DNM3: variants seen among roughly 807,000 people sequenced by gnomAD.
The protein encoded by DNM3 is dynamin 3.
A neutral mutation model predicts 101.6 loss-of-function variants in DNM3; 47 were observed. The ratio of observed to expected loss-of-function variants is 0.46; its 90% CI spans 0.37 to 0.59. The LOEUF is 0.59. Among genes scored for constraint, DNM3 ranks in the 20% least tolerant of loss-of-function variants. The pLI, the probability that DNM3 is intolerant of heterozygous loss-of-function variation, is 0.00. For missense variants in DNM3, 849 were observed against 1,085.7 expected, an observed-to-expected ratio of 0.78 and a Z score of 3.06; for synonymous variants, 385 against 387.9, an observed-to-expected ratio of 0.99 and a Z score of 0.09.
At chr1:172,315,231 A>G (rs2148890565) in intron 16 of DNM3, among the ~76,000 whole-genome samples, 1 of 152,266 alleles carries the variant, frequency 6.6e-6, no homozygotes, top group South Asian at 2.1e-4. Context: ...CACACCAAAA[A>G]CCCATCTGTA....
intron 14 of DNM3, among the ~76,000 whole-genome samples, chr1:172,235,176 A>G (rs923351241): frequency 3.3e-5 from 5 of 152,246 alleles, no homozygotes; most frequent in Non-Finnish European, 5.9e-5. Flanking sequence ...CCCATCAACA[A>G]GTGGGCAAAG....
intron 10 of DNM3, among the ~76,000 whole-genome samples, chr1:172,059,864 G>C (rs1033444384): frequency 7.0e-5 from 7 of 100,436 alleles, no homozygotes; most frequent in Admixed American, 6.9e-4. Context: ...GGCAGGAGAA[G>C]GAAATAAAGG....
rs184755802 is a variant in DNM3 at position 172,119,429 on chromosome 1, C to T, written c.1546-11746C>T. ...TTTACGTTTGACCTTTCAATCCTTT[C>T]GCCTTATTGAGACATTCTCTTTCAT... is the stretch of plus-strand genomic sequence containing the variant. On this transcript the variant is annotated intron_variant, in intron 13 of 20. Coordinates refer to ENST00000627582, the MANE Select transcript of DNM3 (RefSeq NM_015569.5). Among the ~76,000 whole-genome samples, 342 of 152,264 alleles carry T rather than the reference C, an allele frequency of 2.2e-3. 2 individuals are homozygous for T. The highest frequency in any genetic ancestry group is 0.016 in the Admixed American group (244 of 15,280).
Position 171,950,351 on chromosome 1 carries a change from A to C in DNM3, c.235+28530A>C, listed in dbSNP as rs527691402. Among the ~76,000 whole-genome samples, 3 of 152,228 alleles carry C rather than the reference A, an allele frequency of 2.0e-5. No individual in the cohort carries two copies. The East Asian group carries it at 5.8e-4, about 29-fold the overall frequency. ...TTTAAATTTTTATCTTTTCTGGTCT[A>C]GTGATATGTGGTAGGATACTTGGCA... On this transcript the variant is annotated intron_variant, in intron 2 of 20. Transcript: ENST00000627582.
At chr1:172,229,436 T>C (rs926275714) in intron 14 of DNM3, among the ~76,000 whole-genome samples, 1 of 152,182 alleles carries the variant, frequency 6.6e-6, no homozygotes, top group Non-Finnish European at 1.5e-5. Context: ...AAGTGTCTAA[T>C]TAAGTAGCAT....
At chr1:172,110,728 T>G (rs1572552693) in intron 13 of DNM3, among the ~76,000 whole-genome samples, 1 of 152,212 alleles carries the variant, frequency 6.6e-6, no homozygotes, top group South Asian at 2.1e-4. Context: ...TAAATAAATA[T>G]GTCACCACAA....
chr1:172,153,322 G>A (rs1223753214), intron 14 of DNM3, among the ~76,000 whole-genome samples: 6 of 152,140 alleles, frequency 3.9e-5, no homozygotes, highest in African/African-American at 1.4e-4. Flanking sequence ...TAGGGAAAGT[G>A]GTTATGGTGT....
At chr1:172,133,287 C>T in intron 14 of DNM3, 1 of 1,042,160 alleles carries the variant, frequency 9.6e-7, no homozygotes. Flanking sequence ...CATCTCCTCT[C>T]CTCCAGACTC....
intron 15 of DNM3, among the ~76,000 whole-genome samples, chr1:172,254,117 A>T (rs1356196797): frequency 6.6e-6 from 1 of 152,126 alleles, no homozygotes; most frequent in East Asian, 1.9e-4. Flanking sequence ...ATAATGTTTT[A>T]AAAATTGTTT....
intron 11 of DNM3, among the ~76,000 whole-genome samples, chr1:172,081,259 G>A (rs2053124575): frequency 6.6e-6 from 1 of 152,068 alleles, no homozygotes; most frequent in African/African-American, 2.4e-5. Context: ...ACCATGCCCA[G>A]CTTCTGATTG....
chr1:172,284,946 G>A (rs1038117034), intron 15 of DNM3, among the ~76,000 whole-genome samples: 5 of 152,188 alleles, frequency 3.3e-5, no homozygotes, highest in Non-Finnish European at 7.3e-5. Context: ...TGCTAAGTGG[G>A]CTAGACTCAG....
chr1:171,996,751 C>T (rs939023180), intron 4 of DNM3, among the ~76,000 whole-genome samples: 2 of 151,904 alleles, frequency 1.3e-5, no homozygotes, highest in African/African-American at 4.8e-5. Context: ...ATAATTGGCT[C>T]GGCATGGTGG....
chr1:172,237,895 G>C (rs1356387076), intron 14 of DNM3, among the ~76,000 whole-genome samples: 1 of 152,146 alleles, frequency 6.6e-6, no homozygotes, highest in African/African-American at 2.4e-5. Context: ...GGGTTCTTTG[G>C]AGACTGGCGT....
intron 15 of DNM3, among the ~76,000 whole-genome samples, chr1:172,264,760 C>T (rs909213931): frequency 2.0e-5 from 3 of 152,126 alleles, no homozygotes; most frequent in Admixed American, 6.6e-5. Flanking sequence ...GTCGGTCTTT[C>T]TTACCTCACA....
Position 172,042,139 on chromosome 1 carries a change from G to A in DNM3, c.1123G>A (p.Val375Ile). 1.3e-6 allele frequency: 2 copies of A among 1,594,922 alleles called. No homozygotes were observed. Among genetic ancestry groups the A allele is most frequent in the Non-Finnish European group, 1.7e-6 (2 of 1,174,968 alleles). Residue 375 changes from valine to isoleucine, a missense_variant, in exon 8 of 21, where the codon GTA (valine) becomes ATA (isoleucine). Physicochemically the swap from Val to Ile is conservative, Grantham distance 29. This residue lies in a region of DNM3 where 388 missense variants were observed against 483.0 expected (regional missense o/e 0.80). Transcript: ENST00000627582. ...TCATGAACGCTTTCCTTTTGAGATA[G>A]TAAAGGTTTGTGTCAAACGTTATTT... ...IFHERFPFEIVKMEFNEKELR... is the reference protein window; with the variant it reads ...IFHERFPFEIIKMEFNEKELR...
intron 1 of DNM3, among the ~76,000 whole-genome samples, chr1:171,896,181 C>G (rs1336341663): frequency 6.6e-6 from 1 of 152,276 alleles, no homozygotes; most frequent in Middle Eastern, 3.4e-3. Context: ...TGAAGGAAGT[C>G]ATTGGTAGCT....
intron 17 of DNM3, among the ~76,000 whole-genome samples, chr1:172,351,930 T>A (rs572470185): frequency 6.6e-6 from 1 of 152,296 alleles, no homozygotes; most frequent in East Asian, 1.9e-4. Flanking sequence ...CAAATTCCGA[T>A]CCGTCAGCTT....
At chr1:172,134,597 G>A (rs2057117462) in intron 14 of DNM3, among the ~76,000 whole-genome samples, 1 of 152,138 alleles carries the variant, frequency 6.6e-6, no homozygotes, top group African/African-American at 2.4e-5. Context: ...ACCAGGCACT[G>A]TCCTAATCAC....
chr1:172,091,207 A>G (rs1364166546), intron 12 of DNM3, among the ~76,000 whole-genome samples: 1 of 152,214 alleles, frequency 6.6e-6, no homozygotes, highest in Non-Finnish European at 1.5e-5. Context: ...GAAACCAACC[A>G]TGTGCCATGT....
Sources: gnomAD v4.1 joint callset for allele counts (sites outside exome capture counted in the v4.1 genomes callset) on GRCh38, gnomAD v4.1.1 for gene constraint, gnomAD v4.1.1 regional missense constraint, MANE v1.5 for transcripts, NCBI Gene and HGNC (gene_info 2026-07-23, HGNC 2026-07-21) for gene names.